Variants in CADM1 observed in about 807,000 individuals in gnomAD.
CADM1 encodes the protein TSLC-1.
Under a neutral mutation model 53.1 loss-of-function variants are expected in CADM1, and 15 were observed. The ratio of observed to expected loss-of-function variants is 0.28; its 90% CI spans 0.19 to 0.44. CADM1 has a LOEUF of 0.44. Among genes scored for constraint, CADM1 ranks in the 20% least tolerant of loss-of-function variants. The probability of loss-of-function intolerance (pLI) is 1.00; values close to 1 mark genes in which losing one functional copy is unlikely to be tolerated. For synonymous variants in CADM1, 281 were observed against 243.0 expected, an observed-to-expected ratio of 1.16 and a Z score of -1.45; for missense variants, 434 against 611.3, an observed-to-expected ratio of 0.71 and a Z score of 3.06.
chr11:115,266,098 G>A (rs1446509925), intron 1 of CADM1, among the ~76,000 whole-genome samples: 1 of 152,180 alleles, frequency 6.6e-6, no homozygotes, highest in Non-Finnish European at 1.5e-5. Context: ...TAAGAGATGA[G>A]TTACGAAGGT....
chr11:115,307,110 A>G (rs1944396024), intron 1 of CADM1, among the ~76,000 whole-genome samples: 1 of 152,002 alleles, frequency 6.6e-6, no homozygotes, highest in African/African-American at 2.4e-5. Context: ...TATTTATAAC[A>G]TATATTTAAA....
rs544749523 is a variant in CADM1, at chr11:115,212,454, G to A, written c.994+2154C>T. 5.3e-5 allele frequency among the ~76,000 whole-genome samples: 8 copies of A among 152,256 alleles called. No homozygotes were observed. The South Asian group carries it at 1.7e-3, about 32-fold the overall frequency. On this transcript the variant is annotated intron_variant, in intron 7 of 11. Coordinates refer to ENST00000331581, the MANE Select transcript of CADM1 (RefSeq NM_001301043.2). ...TTACTAGGACTGATTAGGGGAGATA[G>A]GTAGTATATTACAGATCTAGCAAAT...
At chr11:115,238,395 G>A (rs1942085990) in intron 3 of CADM1, 105 bp downstream of exon 3, 7 of 1,275,094 alleles carry the variant, frequency 5.5e-6, no homozygotes, top group Non-Finnish European at 6.9e-6. Flanking sequence ...GATTCTTCCT[G>A]AAACAAGTTT....
At chr11:115,422,845 CTG>C (rs1947792617) in intron 1 of CADM1, among the ~76,000 whole-genome samples, 1 of 152,090 alleles carries the variant, frequency 6.6e-6, no homozygotes, top group Non-Finnish European at 1.5e-5. Context: ...TTTATTGAAA[CTG>C]TACATTTTTC....
chr11:115,444,511 C>A (rs990651494), intron 1 of CADM1, among the ~76,000 whole-genome samples: 78 of 152,134 alleles, frequency 5.1e-4, no homozygotes, highest in Non-Finnish European at 5.0e-4. Flanking sequence ...GTCTACCAAG[C>A]CAATCTTTTT....
intron 1 of CADM1, among the ~76,000 whole-genome samples, chr11:115,348,374 T>G (rs1945639185): frequency 6.6e-6 from 1 of 152,212 alleles, no homozygotes; most frequent in South Asian, 2.1e-4. Flanking sequence ...GAAGACAAAT[T>G]ATCAATTTCT....
At chr11:115,359,502 GAC>G (rs1565385567) in intron 1 of CADM1, among the ~76,000 whole-genome samples, 4 of 152,042 alleles carry the variant, frequency 2.6e-5, no homozygotes. Context: ...GCAAAGACAT[GAC>G]ACAGTCATAT....
chr11:115,404,346 A>AAAAAAAAAT (rs1947251974), intron 1 of CADM1, among the ~76,000 whole-genome samples: 9 of 33,780 alleles, frequency 2.7e-4, no homozygotes, highest in African/African-American at 8.2e-4. Context: ...AAAAAAAAAA[A>AAAAAAAAAT]ATATATATAT....
At chr11:115,368,991 T>C (rs914937277) in intron 1 of CADM1, among the ~76,000 whole-genome samples, 3 of 120,676 alleles carry the variant, frequency 2.5e-5, no homozygotes, top group South Asian at 5.5e-4. Context: ...TTAGTCCTTA[T>C]AGCTCCCCAG....
intron 11 of CADM1, among the ~76,000 whole-genome samples, chr11:115,177,524 A>G (rs34420741): frequency 0.035 from 5,297 of 152,116 alleles, 181 homozygotes; most frequent in Admixed American, 0.091. Flanking sequence ...TCAGGTTTTC[A>G]AAGTAACAAA....
intron 5 of CADM1, 68 bp from the exon 6 acceptor site, chr11:115,218,059 A>G: frequency 9.0e-7 from 1 of 1,108,336 alleles, no homozygotes; most frequent in South Asian, 1.3e-5. Context: ...AGACTCACAC[A>G]CTGCCTCAAA....
rs1380363274 is a variant in CADM1, at chr11:115,444,279, C to T, written c.124+59992G>A. 2.0e-5 allele frequency among the ~76,000 whole-genome samples: 3 copies of T among 152,106 alleles called. No individual in the cohort carries two copies. The East Asian group carries it at 5.8e-4, about 29-fold the overall frequency. ...AGAAAAATATCTCTATAAAAACGTA[C>T]ATGTAATAAGGCTACAGATCATTGG... On this transcript the variant is annotated intron_variant, in intron 1 of 11. Transcript: ENST00000331581.
chr11:115,223,739 A>G (rs1034769886), intron 5 of CADM1, among the ~76,000 whole-genome samples: 3 of 152,162 alleles, frequency 2.0e-5, no homozygotes, highest in African/African-American at 7.2e-5. Context: ...TGTATCACTA[A>G]CAATCTATAG....
intron 1 of CADM1, among the ~76,000 whole-genome samples, chr11:115,358,563 G>A (rs1205511560): frequency 6.6e-6 from 1 of 152,128 alleles, no homozygotes; most frequent in Admixed American, 6.5e-5. Context: ...CACAACATGT[G>A]GGAATTACGG....
intron 1 of CADM1, among the ~76,000 whole-genome samples, chr11:115,348,348 C>A (rs1449646173): frequency 6.6e-6 from 1 of 152,126 alleles, no homozygotes; most frequent in Non-Finnish European, 1.5e-5. Context: ...GTAATTTCTT[C>A]CTGCAGACAC....
At chr11:115,402,773 G>A (rs905244229) in intron 1 of CADM1, among the ~76,000 whole-genome samples, 19 of 152,072 alleles carry the variant, frequency 1.2e-4, no homozygotes, top group African/African-American at 3.9e-4. Context: ...AGGCTGAGGG[G>A]AAATAGCACC....
chr11:115,392,341 A>G (rs1350656441), intron 1 of CADM1, among the ~76,000 whole-genome samples: 1 of 152,010 alleles, frequency 6.6e-6, no homozygotes, highest in African/African-American at 2.4e-5. Flanking sequence ...ATTAAGTTCA[A>G]TGATTTCTTA....
intron 1 of CADM1, among the ~76,000 whole-genome samples, chr11:115,435,659 G>C (rs1419489991): frequency 6.6e-6 from 1 of 152,200 alleles, no homozygotes; most frequent in Non-Finnish European, 1.5e-5. Context: ...TTTGAACCTG[G>C]GAGGTGGAGG....
At chr11:115,446,416 G>C (rs941203577) in intron 1 of CADM1, among the ~76,000 whole-genome samples, 1 of 152,090 alleles carries the variant, frequency 6.6e-6, no homozygotes, top group African/African-American at 2.4e-5. Context: ...GCAACTACTT[G>C]CCAGGGACAG....
Sources: allele counts gnomAD v4.1 joint callset (sites outside exome capture counted in the v4.1 genomes callset), GRCh38; gene constraint gnomAD v4.1.1; transcripts MANE v1.5; gene names NCBI Gene and HGNC (gene_info 2026-07-23, HGNC 2026-07-21).